Variants in ZNF483 observed in about 807,000 individuals in gnomAD.
The protein encoded by ZNF483 is zinc finger protein 483, also known as zinc finger protein HIT-10.
In ZNF483, 9 loss-of-function variants were observed where a neutral mutation model predicts 28.6. The observed-to-expected ratio is 0.32, with a 90% CI of 0.19 to 0.55. ZNF483 has a LOEUF of 0.55. ZNF483 is among the 20% of genes least tolerant of loss of function. The pLI is 0.93. For missense variants in ZNF483, 675 were observed against 871.7 expected (o/e 0.77, Z 2.84); for synonymous variants, 322 against 306.2 (o/e 1.05, Z -0.54).
At chr9:111,567,933 C>A (rs533373282) in intron 5 of ZNF483, among the ~76,000 whole-genome samples, 1 of 152,152 alleles carries the variant, frequency 6.6e-6, no homozygotes, top group Non-Finnish European at 1.5e-5. Flanking sequence ...TAATTTCTTA[C>A]GCCTGTCTTA....
At chr9:111,562,065 T>G (rs1179660418) in intron 5 of ZNF483, among the ~76,000 whole-genome samples, 1 of 152,144 alleles carries the variant, frequency 6.6e-6, no homozygotes, top group Non-Finnish European at 1.5e-5. Context: ...TTTGTATTTT[T>G]AGTAGAGACA....
At chr9:111,569,696 C>T (rs559691667) in intron 5 of ZNF483, among the ~76,000 whole-genome samples, 12 of 152,082 alleles carry the variant, frequency 7.9e-5, no homozygotes, top group Non-Finnish European at 1.6e-4. Context: ...ACCCAGGAGG[C>T]GGAGGTTGCC....
chr9:111,534,718 CTTTTTTTTTTTTT>C (rs67740162), intron 5 of ZNF483, among the ~76,000 whole-genome samples: 1 of 88,130 alleles, frequency 1.1e-5, no homozygotes, highest in African/African-American at 4.5e-5. Flanking sequence ...GTCGTTCTAT[CTTTTTTTTTTTTT>C]TTTTTTTTTT....
At chr9:111,564,284 T>G (rs1303896397) in intron 5 of ZNF483, 1 of 459,726 alleles carries the variant, frequency 2.2e-6, no homozygotes, top group Non-Finnish European at 2.8e-6. Context: ...ACTTTTATTA[T>G]TATTATTATT....
rs1180747792 is a variant in ZNF483 at position 111,552,553 on chromosome 9, T to C, written c.*9383T>C. Among the ~76,000 whole-genome samples, 1 of 152,240 alleles carries C rather than the reference T, an allele frequency of 6.6e-6. No individual in the cohort carries two copies. Among genetic ancestry groups the C allele is most frequent in the Admixed American group, 6.5e-5 (1 of 15,288 alleles). On this transcript the variant is annotated 3_prime_UTR_variant, in exon 6 of 6. Coordinates refer to ENST00000309235, the MANE Select transcript of ZNF483 (RefSeq NM_133464.5). ...TGATAGAAACTAACTTTTCTGTCTC[T>C]AACTGAAATTCTTTGACAGATGGAA... is the stretch of plus-strand genomic sequence containing the variant.
rs1438100318 is a variant in ZNF483 at position 111,551,526 on chromosome 9, G to T, written c.*8356G>T. Among the ~76,000 whole-genome samples, 13 of 144,642 alleles carry T rather than the reference G, an allele frequency of 9.0e-5. No homozygotes were observed. Among genetic ancestry groups the T allele is most frequent in the African/African-American group, 3.1e-4 (12 of 39,132 alleles). 94.9% of individuals were successfully genotyped at this position (144,642 alleles called of 152,430 possible). Reference sequence around the variant, plus strand: ...GGGTTCCAGCAATTCTCCTGCTTCAGCCTCCCCAGTAGCTGAGATTACTGG... The same window carrying T: ...GGGTTCCAGCAATTCTCCTGCTTCATCCTCCCCAGTAGCTGAGATTACTGG... On this transcript the variant is annotated 3_prime_UTR_variant, in exon 6 of 6. Transcript: ENST00000309235.
intron 5 of ZNF483, among the ~76,000 whole-genome samples, chr9:111,535,747 A>G (rs1425390757): frequency 6.6e-6 from 1 of 150,862 alleles, no homozygotes; most frequent in Non-Finnish European, 1.5e-5. Context: ...GGGTTTCACC[A>G]TATTGGCCAG....
chr9:111,532,351 G>A (rs1385268513), intron 3 of ZNF483, among the ~76,000 whole-genome samples: 1 of 151,958 alleles, frequency 6.6e-6, no homozygotes, highest in Non-Finnish European at 1.5e-5. Flanking sequence ...AACAAGATGA[G>A]GAATTTATTC....
At position 111,560,972 on chromosome 9, in the gene ZNF483, T is replaced by G. The variant is rs377207360; in HGVS notation, c.722-15393T>G. Among the ~76,000 whole-genome samples the G allele has an allele frequency of 3.6e-3, 76 of 21,306 alleles. 4 individuals carry two copies. Among genetic ancestry groups the G allele is most frequent in the Non-Finnish European group, 4.6e-3 (54 of 11,720 alleles). 14.0% of individuals were successfully genotyped at this position (21,306 alleles called of 152,430 possible). A position where few individuals can be genotyped will look rare whatever the true frequency, so the allele number is the denominator to read the frequency against. On this transcript the variant is annotated intron_variant, in intron 5 of 5. Coordinates refer to the ZNF483 transcript ENST00000358151. ...ATATATATATATATATATATATATA[T>G]ATAGAGAGAGAGAGAGAGAGAGAGA...
chr9:111,534,680 T>C (rs1238355501), intron 5 of ZNF483, among the ~76,000 whole-genome samples: 6 of 150,730 alleles, frequency 4.0e-5, no homozygotes, highest in African/African-American at 1.2e-4. Flanking sequence ...GGAGGGCAGA[T>C]TGGGTAGGAA....
rs1293051185 is a variant in ZNF483 at position 111,575,779 on chromosome 9, A to C, written c.722-586A>C. ...CATCGTAGACCTGAATGTAACAGCT[A>C]AAACTATAAAACTCTTAGAAGAAAA... On this transcript the variant is annotated intron_variant, in intron 5 of 5. Transcript: ENST00000358151. 1.1e-4 allele frequency among the ~76,000 whole-genome samples: 16 copies of C among 152,246 alleles called. 1 individual carries two copies. The highest frequency in any genetic ancestry group is 1.0e-3 in the Admixed American group (16 of 15,286).
intron 2 of ZNF483, chr9:111,528,063 ATAAT>A: frequency 7.2e-7 from 1 of 1,391,334 alleles, no homozygotes; most frequent in Non-Finnish European, 9.4e-7. Flanking sequence ...AAGATAGGAT[ATAAT>A]ATATGGTGGA....
intron 5 of ZNF483, chr9:111,563,509 CTTTTTTTTT>C (rs769286166): frequency 5.5e-6 from 1 of 181,002 alleles, no homozygotes; most frequent in East Asian, 1.3e-4. Context: ...CTTTTTCTTT[CTTTTTTTTT>C]TTTTTGAGAC....
chr9:111,560,968 TATATATAGAGAGAGAG>T (rs1176820105), intron 5 of ZNF483, among the ~76,000 whole-genome samples: 5 of 40,066 alleles, frequency 1.2e-4, no homozygotes, highest in Admixed American at 1.1e-3. Flanking sequence ...TATATATATA[TATATATAGAGAGAGAG>T]AGAGAGAGAG....
chr9:111,561,146 AG>A lies in ZNF483; in HGVS notation c.722-15216del, dbSNP rs1482847388. On this transcript the variant is annotated intron_variant, in intron 5 of 5. Coordinates refer to the ZNF483 transcript ENST00000358151. The stretch of plus-strand genomic sequence containing the variant: ...AGAGAGAGAGAGAGAGAGGAGAGAG[AG>A]GGAGAGAGAGAGAGAGAGAGAGAGA... 6.2e-3 allele frequency among the ~76,000 whole-genome samples: 275 copies of A among 44,276 alleles called. 12 individuals are homozygous for A. The highest frequency in any genetic ancestry group is 0.019 in the African/African-American group (123 of 6,436). The allele number at this position is 44,276 out of a possible 152,430, so 29.0% of individuals were successfully genotyped here.
intron 2 of ZNF483, 73 bp downstream of exon 2, chr9:111,527,880 G>A (rs756743404): frequency 6.2e-7 from 1 of 1,611,780 alleles, no homozygotes; most frequent in Non-Finnish European, 8.5e-7. Context: ...CTCAAAAGAA[G>A]GCAATTTACT....
In ZNF483 at chr9:111,542,236, G is replaced by A. The variant is rs763574319; in HGVS notation, c.1301G>A (p.Ser434Asn). The A allele has an allele frequency of 6.2e-7, 1 of 1,611,586 alleles. No individual in the cohort carries two copies. Residue 434 changes from serine to asparagine, a missense_variant, in exon 6 of 6, where the codon AGT becomes AAT. By Grantham distance (46) the Ser-to-Asn change is conservative (BLOSUM62 1). Around this residue, in one of 6 missense-constraint regions of ZNF483, gnomAD observed 525 missense variants for 581.8 expected, o/e 0.90. Coordinates refer to ENST00000309235, the MANE Select transcript of ZNF483 (RefSeq NM_133464.5). The surrounding 1 kb of genome is among the most constrained non-coding windows in gnomAD (Gnocchi z 6.2). ...TTAAATAAAGATGAGGGAAATGAGA[G>A]TGGAGAAAAAACTCATAAATGTAGT... ...AALNKDEGNE[S>N]GEKTHKCSKC...
At position 111,543,678 on chromosome 9, in the gene ZNF483, A is replaced by G. The variant is rs1827729268; in HGVS notation, c.*508A>G. 13 of 979,318 alleles carry G rather than the reference A, an allele frequency of 1.3e-5. No homozygotes were observed. Among genetic ancestry groups the G allele is most frequent in the East Asian group, 1.1e-4 (1 of 8,808 alleles). The allele number at this position is 979,318 out of a possible 1,614,324, so 60.7% of individuals were successfully genotyped here. A position where few individuals can be genotyped will look rare whatever the true frequency, so the allele number is the denominator to read the frequency against. On this transcript the variant is annotated 3_prime_UTR_variant, in exon 6 of 6. Coordinates refer to ENST00000309235, the MANE Select transcript of ZNF483 (RefSeq NM_133464.5). ...CCTGATAATCTCTGAAGCTGTGGAC[A>G]TAAGTTATTTTTTTTTATTTGTCAT...
At chr9:111,558,804 A>G (rs939346516), downstream of ZNF483, among the ~76,000 whole-genome samples, 1 of 152,090 alleles carries the variant, frequency 6.6e-6, no homozygotes, top group Non-Finnish European at 1.5e-5. Flanking sequence ...GTTCATACCA[A>G]TACCTCCAAT....
Sources: gnomAD v4.1 joint callset for allele counts (sites outside exome capture counted in the v4.1 genomes callset) on GRCh38, gnomAD v4.1.1 for gene constraint, gnomAD v4.1.1 regional missense constraint, Gnocchi (gnomAD v3.1) non-coding constraint, MANE v1.5 for transcripts, NCBI Gene and HGNC (gene_info 2026-07-23, HGNC 2026-07-21) for gene names.